Variants in IL1RAPL1 observed in about 807,000 individuals in gnomAD.
IL1RAPL1 encodes the protein interleukin 1 receptor accessory protein like 1.
In IL1RAPL1, 3 loss-of-function variants were observed where a neutral mutation model predicts 48.4. The observed-to-expected ratio is 0.06, with a 90% confidence interval of 0.03 to 0.16. The LOEUF (loss-of-function observed/expected upper bound fraction) is 0.16, where lower values mean the gene tolerates loss of function less well. Among genes scored for constraint, IL1RAPL1 ranks in the 10% least tolerant of loss-of-function variants. The pLI is 1.00. For synonymous variants in IL1RAPL1, 185 were observed against 187.7 expected (o/e 0.99, Z 0.12); for missense variants, 349 against 530.6 (o/e 0.66, Z 3.36).
At chrX:28,868,675 T>C (rs961149290) in intron 2 of IL1RAPL1, among the ~76,000 whole-genome samples, 4 of 111,790 alleles carry the variant, frequency 3.6e-5, no homozygotes, top group African/African-American at 1.3e-4. Flanking sequence ...CCATTTTCTA[T>C]ATATTTTCTC....
chrX:29,075,748 A>G (rs1927656189), intron 2 of IL1RAPL1, among the ~76,000 whole-genome samples: 1 of 111,577 alleles, frequency 9.0e-6, no homozygotes, highest in Non-Finnish European at 1.9e-5. Context: ...GAAATATGTG[A>G]AATGTGTTCC....
chrX:29,227,465 C>T (rs1381593425), intron 2 of IL1RAPL1, among the ~76,000 whole-genome samples: 1 of 111,376 alleles, frequency 9.0e-6, no homozygotes, highest in Non-Finnish European at 1.9e-5. Flanking sequence ...AGGAGAGGTT[C>T]AATCAGACTA....
chrX:28,674,894 C>A (rs1934982420), intron 1 of IL1RAPL1, among the ~76,000 whole-genome samples: 1 of 111,695 alleles, frequency 9.0e-6, no homozygotes, highest in Admixed American at 9.6e-5. Context: ...GTCATGTATT[C>A]AATGCATACA....
At chrX:28,960,432 A>T (rs1394733447) in intron 2 of IL1RAPL1, among the ~76,000 whole-genome samples, 1 of 111,954 alleles carries the variant, frequency 8.9e-6, no homozygotes, top group East Asian at 2.8e-4. Flanking sequence ...AAACTGTTCA[A>T]TAGGAAATAG....
intron 3 of IL1RAPL1, among the ~76,000 whole-genome samples, chrX:29,386,367 G>C (rs983110524): frequency 9.0e-6 from 1 of 110,529 alleles, no homozygotes; most frequent in African/African-American, 3.3e-5. Flanking sequence ...CCCAGTGTTT[G>C]AGGTGGTATT....
intron 3 of IL1RAPL1, among the ~76,000 whole-genome samples, chrX:29,392,753 A>G (rs1933869196): frequency 8.9e-6 from 1 of 111,992 alleles, no homozygotes; most frequent in African/African-American, 3.2e-5. Flanking sequence ...TGGCTGTGGT[A>G]GGGAGTCCAT....
chrX:29,257,436 G>A (rs1266053201), intron 2 of IL1RAPL1, among the ~76,000 whole-genome samples: 1 of 111,486 alleles, frequency 9.0e-6, no homozygotes, highest in Non-Finnish European at 1.9e-5. Flanking sequence ...CAACTTAAAC[G>A]ATGTAGATAA....
At chrX:29,338,930 C>T (rs1017865064) in intron 3 of IL1RAPL1, among the ~76,000 whole-genome samples, 1 of 110,707 alleles carries the variant, frequency 9.0e-6, no homozygotes, top group African/African-American at 3.3e-5. Context: ...ACGCTGGAAT[C>T]AACCCTAGTG....
chrX:29,410,025 T>C (rs1351417817), intron 5 of IL1RAPL1, among the ~76,000 whole-genome samples: 1 of 110,373 alleles, frequency 9.1e-6, no homozygotes, highest in Non-Finnish European at 1.9e-5. Flanking sequence ...TTTCTCCATG[T>C]TGATCAGGCT....
At chrX:28,993,432 G>A (rs1925658089) in intron 2 of IL1RAPL1, among the ~76,000 whole-genome samples, 1 of 111,812 alleles carries the variant, frequency 8.9e-6, no homozygotes. Flanking sequence ...GTAGAGATGA[G>A]CTGTGAACAA....
intron 3 of IL1RAPL1, among the ~76,000 whole-genome samples, chrX:29,298,612 G>C (rs1219319478): frequency 9.0e-6 from 1 of 111,157 alleles, no homozygotes; most frequent in Non-Finnish European, 1.9e-5. Flanking sequence ...CAGAACTTAG[G>C]GTGCCAAACA....
At chrX:29,381,324 T>C (rs1933694439) in intron 3 of IL1RAPL1, among the ~76,000 whole-genome samples, 5 of 105,796 alleles carry the variant, frequency 4.7e-5, no homozygotes. Context: ...TTTTATATGA[T>C]AAATGAAAAA....
chrX:29,033,836 G>A (rs1168155972), intron 2 of IL1RAPL1, among the ~76,000 whole-genome samples: 1 of 110,203 alleles, frequency 9.1e-6, no homozygotes, highest in African/African-American at 3.3e-5. Context: ...TTGTGCAAAA[G>A]TTAGGTGTTG....
At chrX:28,716,279 G>A (rs1253900437) in intron 1 of IL1RAPL1, among the ~76,000 whole-genome samples, 3 of 111,371 alleles carry the variant, frequency 2.7e-5, no homozygotes, top group African/African-American at 9.8e-5. Flanking sequence ...CTGGCACAAG[G>A]ACGCCTGCTC....
At chrX:28,597,788 A>C (rs1933972490) in intron 1 of IL1RAPL1, among the ~76,000 whole-genome samples, 1 of 110,609 alleles carries the variant, frequency 9.0e-6, no homozygotes, top group Non-Finnish European at 1.9e-5. Context: ...TAAATACAGA[A>C]GCCAGAGTTT....
At chrX:29,804,043 A>G (rs1930192839) in intron 6 of IL1RAPL1, among the ~76,000 whole-genome samples, 1 of 112,011 alleles carries the variant, frequency 8.9e-6, no homozygotes, top group Admixed American at 9.5e-5. Context: ...AGCAGATTTT[A>G]TCATTTTACA....
chrX:28,961,880 C>A (rs1426859221), intron 2 of IL1RAPL1, among the ~76,000 whole-genome samples: 1 of 111,458 alleles, frequency 9.0e-6, no homozygotes, highest in Admixed American at 9.6e-5. Flanking sequence ...AAATAGATAC[C>A]ATTTAATTTT....
intron 1 of IL1RAPL1, among the ~76,000 whole-genome samples, chrX:28,595,816 T>TTA: frequency 8.9e-6 from 1 of 111,869 alleles, no homozygotes; most frequent in Non-Finnish European, 1.9e-5. Flanking sequence ...GATACCCCTA[T>TTA]TAAAGCTCCT....
intron 2 of IL1RAPL1, among the ~76,000 whole-genome samples, chrX:29,027,118 A>G (rs1466814503): frequency 8.9e-6 from 1 of 111,798 alleles, no homozygotes; most frequent in Non-Finnish European, 1.9e-5. Flanking sequence ...CAAATGTGTA[A>G]TGAGCTGTAT....
Sources: allele counts gnomAD v4.1 joint callset (sites outside exome capture counted in the v4.1 genomes callset), GRCh38; gene constraint gnomAD v4.1.1; transcripts MANE v1.5; gene names NCBI Gene and HGNC (gene_info 2026-07-23, HGNC 2026-07-21).